Variants in EFCAB8 observed in about 807,000 individuals in gnomAD.
The protein encoded by EFCAB8 is EF-hand calcium binding domain 8.
In EFCAB8, 100 loss-of-function variants were observed where a neutral mutation model predicts 116.3. That is an observed-to-expected ratio of 0.86 (90% confidence interval 0.73 to 1.02). EFCAB8 has a LOEUF of 1.02. EFCAB8 is among the 50% of genes least tolerant of loss of function. The pLI is 0.00. For synonymous variants in EFCAB8, 558 were observed against 567.9 expected (o/e 0.98, Z 0.25); for missense variants, 1,320 against 1,416.9 (o/e 0.93, Z 1.10).
chr20:32,954,578 A>C (rs995290864), intron 23 of EFCAB8, among the ~76,000 whole-genome samples: 2 of 152,188 alleles, frequency 1.3e-5, no homozygotes, highest in Non-Finnish European at 2.9e-5. Flanking sequence ...TTGTTCTCTA[A>C]TAAATTTTTG....
In EFCAB8 at chr20:32,930,444, T is replaced by C; in HGVS notation, c.2459T>C (p.Leu820Pro). The change falls in exon 21 of 27, where the codon CTG becomes CCG. Residue 820 changes from leucine (L) to proline (P), a missense_variant. Leu to Pro is a moderately conservative substitution (Grantham distance 98). Transcript: ENST00000400522. ...TRPRLPHTAA[L>P]LSSCMDGYIY... ...CCTCGCCTGCCGCACACGGCTGCCCTGCTGAGCAGCTGCATGGACGGCTAC... is the reference window on the plus strand; with the variant it reads ...CCTCGCCTGCCGCACACGGCTGCCCCGCTGAGCAGCTGCATGGACGGCTAC... 1 of 1,551,840 alleles carries C rather than the reference T, an allele frequency of 6.4e-7. No homozygotes were observed. Among genetic ancestry groups the C allele is most frequent in the Non-Finnish European group, 8.7e-7 (1 of 1,147,038 alleles).
rs137894756 is a variant in EFCAB8 at position 32,919,979 on chromosome 20, T to C, written c.2275-99T>C. ...GGCCAGTGTACCTACTGCGGGGGCT[T>C]GGGAGTGCCGCTCTTTTATCATCTT... On this transcript the variant is annotated intron_variant, in intron 19 of 26. Coordinates refer to ENST00000400522, the MANE Select transcript of EFCAB8 (RefSeq NM_001143967.2). The C allele has an allele frequency of 1.3e-3, 1,971 of 1,472,170 alleles. 14 individuals carry two copies. The African/African-American group carries it at 0.017, about 13-fold the overall frequency. 91.2% of individuals were successfully genotyped at this position (1,472,170 alleles called of 1,614,324 possible).
chr20:32,931,154 C>T (rs962465766), intron 21 of EFCAB8, 24 bp from the exon 22 acceptor site: 33 of 1,512,718 alleles, frequency 2.2e-5, no homozygotes, highest in Admixed American at 6.4e-5. Flanking sequence ...GGTGTGAGGC[C>T]ACTAACCCAC....
Position 32,906,999 on chromosome 20 carries a change from G to A in EFCAB8, c.1308+5G>A, listed in dbSNP as rs376530669. Reference sequence around the variant, plus strand: ...ATCAGTGTCTCCAAGGACAAGGTCCGCCCCGACGGTCCGCCTGACTCCTTC... The same window carrying A: ...ATCAGTGTCTCCAAGGACAAGGTCCACCCCGACGGTCCGCCTGACTCCTTC... On this transcript the variant is annotated splice_donor_5th_base_variant and intron_variant, in intron 13 of 26. Coordinates refer to ENST00000400522, the MANE Select transcript of EFCAB8 (RefSeq NM_001143967.2). 5.4e-5 allele frequency: 81 copies of A among 1,499,136 alleles called. No homozygotes were observed. The highest frequency in any genetic ancestry group is 5.8e-5 in the Non-Finnish European group (65 of 1,119,832). The allele number at this position is 1,499,136 out of a possible 1,614,324, so 92.9% of individuals were successfully genotyped here. A position where few individuals can be genotyped will look rare whatever the true frequency, so the allele number is the denominator to read the frequency against.
At chr20:32,929,573 C>G (rs1205565584) in intron 20 of EFCAB8, among the ~76,000 whole-genome samples, 1 of 143,820 alleles carries the variant, frequency 7.0e-6, no homozygotes, top group Admixed American at 7.2e-5. Flanking sequence ...ATCTCCTGGG[C>G]TCAAGTGATT....
chr20:32,859,427 T>C (rs758857946), intron 1 of EFCAB8, among the ~76,000 whole-genome samples: 1 of 152,220 alleles, frequency 6.6e-6, no homozygotes, highest in Non-Finnish European at 1.5e-5. Context: ...GGTACTTGTC[T>C]TGGCCTCTCC....
At chr20:32,908,235 A>G in intron 13 of EFCAB8, 40 bp from the exon 14 acceptor site, 1 of 1,248,908 alleles carries the variant, frequency 8.0e-7, no homozygotes. Context: ...TACATCCCCG[A>G]GACCCATGCT....
chr20:32,909,135 G>T (rs1986809806), intron 14 of EFCAB8, among the ~76,000 whole-genome samples: 1 of 152,222 alleles, frequency 6.6e-6, no homozygotes, highest in Non-Finnish European at 1.5e-5. Flanking sequence ...CGCTCCGTGG[G>T]CTGGGCCACC....
chr20:32,881,051 G>A (rs1054868814), intron 5 of EFCAB8, among the ~76,000 whole-genome samples: 18 of 152,142 alleles, frequency 1.2e-4, no homozygotes, highest in African/African-American at 4.3e-4. Context: ...ATCCATCATA[G>A]TATATGAATG....
chr20:32,941,108 A>G (rs1328355535), intron 22 of EFCAB8, among the ~76,000 whole-genome samples: 1 of 149,162 alleles, frequency 6.7e-6, no homozygotes, highest in Non-Finnish European at 1.5e-5. Flanking sequence ...AAAAATTAGC[A>G]GGGCATGATG....
chr20:32,911,614 C>T lies in EFCAB8; in HGVS notation c.1692C>T (p.Cys564=), dbSNP rs755273794. ...TAMALDESER[C]LLTGLRDGTM... ...TGGCCCTGGATGAGTCAGAGCGGTG[C>T]CTGCTCACAGGTTTGCGGGATGGCA... The change falls in exon 16 of 27, where the codon TGC becomes TGT. Residue 564 remains cysteine (C), a synonymous_variant. Transcript: ENST00000400522. The T allele has an allele frequency of 1.1e-4, 165 of 1,551,480 alleles. No individual in the cohort carries two copies. The highest frequency in any genetic ancestry group is 1.4e-4 in the Non-Finnish European group (157 of 1,146,942).
At position 32,911,485 on chromosome 20, in the gene EFCAB8, G is replaced by C. The variant is rs919451098; in HGVS notation, c.1563G>C (p.Val521=). The C allele has an allele frequency of 6.7e-7, 1 of 1,487,930 alleles. No individual in the cohort carries two copies. Among genetic ancestry groups the C allele is most frequent in the Non-Finnish European group, 9.0e-7 (1 of 1,111,846 alleles). 92.2% of individuals were successfully genotyped at this position (1,487,930 alleles called of 1,614,324 possible). Residue 521 remains valine (V), a synonymous_variant, in exon 16 of 27, where the codon GTG becomes GTC. Coordinates refer to ENST00000400522, the MANE Select transcript of EFCAB8 (RefSeq NM_001143967.2). ...CAGCTGTGTGCTCCCTACAGGTGGT[G>C]AGTGGCTGCCTGCGCGGCACAGTGA... ...VLYSKIFKQV[V]SGCLRGTVSV...
intron 23 of EFCAB8, among the ~76,000 whole-genome samples, chr20:32,955,706 T>A (rs1159392976): frequency 6.6e-6 from 1 of 152,104 alleles, no homozygotes; most frequent in Non-Finnish European, 1.5e-5. Context: ...CAAGCATATA[T>A]CTTCTGTTCC....
intron 20 of EFCAB8, among the ~76,000 whole-genome samples, chr20:32,925,904 G>A (rs1051519953): frequency 2.0e-5 from 3 of 152,238 alleles, no homozygotes; most frequent in Admixed American, 6.5e-5. Context: ...AATGAGCAGG[G>A]CAATGTATTG....
At chr20:32,930,231 G>A (rs368454048) in intron 20 of EFCAB8, among the ~76,000 whole-genome samples, 167 bp from the exon 21 acceptor site, 2 of 152,202 alleles carry the variant, frequency 1.3e-5, no homozygotes, top group African/African-American at 2.4e-5. Context: ...CGAGTATGAC[G>A]TTCCTTGTCA....
chr20:32,867,824 G>A, intron 3 of EFCAB8, 77 bp downstream of exon 3: 2 of 1,449,218 alleles, frequency 1.4e-6, no homozygotes, highest in South Asian at 1.4e-5. Context: ...GTGTGTGGAG[G>A]GTTCAGACAT....
At chr20:32,899,821 G>A (rs951947710) in intron 11 of EFCAB8, among the ~76,000 whole-genome samples, 1 of 152,074 alleles carries the variant, frequency 6.6e-6, no homozygotes, top group Admixed American at 6.5e-5. Flanking sequence ...TTATCAGCCC[G>A]CCTCGGCCTC....
At position 32,943,639 on chromosome 20, in the gene EFCAB8, G is replaced by C; in HGVS notation, c.2794G>C (p.Val932Leu). The C allele has an allele frequency of 2.4e-6, 1 of 417,056 alleles. No homozygotes were observed. 25.8% of individuals were successfully genotyped at this position (417,056 alleles called of 1,614,324 possible). ...TCTCCTGTACTGTCCCCTATAGGTT[G>C]TGGCTGGCCATACCATTTCCCTGGT... Reference protein sequence around the residue: ...HYIPLEDKEVVAGHTISLVPP... With the variant: ...HYIPLEDKEVLAGHTISLVPP... Residue 932 changes from valine to leucine, a missense_variant, in exon 23 of 27, where the codon GTG (valine) becomes CTG (leucine). By Grantham distance (32) the Val-to-Leu change is conservative (BLOSUM62 1). Transcript: ENST00000400522.
chr20:32,959,160 A>C (rs1021004591), intron 24 of EFCAB8, among the ~76,000 whole-genome samples: 1 of 152,254 alleles, frequency 6.6e-6, no homozygotes, highest in Non-Finnish European at 1.5e-5. Context: ...ATCCAGACAC[A>C]GTCCTGCCTC....
Sources: allele counts gnomAD v4.1 joint callset (sites outside exome capture counted in the v4.1 genomes callset), GRCh38; gene constraint gnomAD v4.1.1; transcripts MANE v1.5; gene names NCBI Gene and HGNC (gene_info 2026-07-23, HGNC 2026-07-21).